SNTB1: variants seen among roughly 807,000 people sequenced by gnomAD.
The protein encoded by SNTB1 is beta-1-syntrophin.
In SNTB1, 36 loss-of-function variants were observed where a neutral mutation model predicts 48.9. The ratio of observed to expected loss-of-function variants is 0.74; its 90% CI spans 0.56 to 0.97. The LOEUF is 0.97. Ranked by LOEUF, SNTB1 falls within the 50% of genes least tolerant of loss-of-function variation. SNTB1 has a pLI of 0.00. For synonymous variants in SNTB1, 299 were observed against 294.6 expected (o/e 1.01, Z -0.15); for missense variants, 786 against 703.4 (o/e 1.12, Z -1.33).
At chr8:120,575,637 G>GA (rs1815938828) in intron 3 of SNTB1, among the ~76,000 whole-genome samples, 1 of 152,180 alleles carries the variant, frequency 6.6e-6, no homozygotes, top group Non-Finnish European at 1.5e-5. Context: ...TAAAGGCTCT[G>GA]AAAAATGTAC....
intron 3 of SNTB1, among the ~76,000 whole-genome samples, chr8:120,603,524 C>T (rs1251557836): frequency 2.6e-5 from 4 of 152,136 alleles, no homozygotes; most frequent in Non-Finnish European, 5.9e-5. Flanking sequence ...TCAGCATTGC[C>T]TGGGAACTTG....
chr8:120,763,592 A>C (rs1819462973), intron 1 of SNTB1, among the ~76,000 whole-genome samples: 1 of 152,214 alleles, frequency 6.6e-6, no homozygotes. Context: ...ACAGTTAAAA[A>C]ATTTTTTCTG....
At chr8:120,781,372 T>C (rs1039104090) in intron 1 of SNTB1, among the ~76,000 whole-genome samples, 3 of 151,030 alleles carry the variant, frequency 2.0e-5, no homozygotes, top group South Asian at 2.1e-4. Context: ...TATTTTGCCA[T>C]TTTTTTTTAA....
At position 120,599,958 on chromosome 8, in the gene SNTB1, G is replaced by A. The variant is rs183821875; in HGVS notation, c.997-24733C>T. Among the ~76,000 whole-genome samples, 368 of 152,254 alleles carry A rather than the reference G, an allele frequency of 2.4e-3. 1 individual carries two copies. Among genetic ancestry groups the A allele is most frequent in the African/African-American group, 8.6e-3 (359 of 41,578 alleles). On this transcript the variant is annotated intron_variant, in intron 3 of 6. Coordinates refer to ENST00000517992, the MANE Select transcript of SNTB1 (RefSeq NM_021021.4). ...GCTATACTTATTACATTTAAAAATAGCAATTTATTTGTTGTTAAAAACCAG... is the reference window on the plus strand; with the variant it reads ...GCTATACTTATTACATTTAAAAATAACAATTTATTTGTTGTTAAAAACCAG...
chr8:120,546,432 T>C (rs1377450098), intron 5 of SNTB1, among the ~76,000 whole-genome samples: 1 of 152,174 alleles, frequency 6.6e-6, no homozygotes, highest in African/African-American at 2.4e-5. Flanking sequence ...GTTTACCTAG[T>C]AATGTTACCT....
chr8:120,683,907 A>G (rs1283954775), intron 2 of SNTB1, among the ~76,000 whole-genome samples: 1 of 152,250 alleles, frequency 6.6e-6, no homozygotes, highest in Non-Finnish European at 1.5e-5. Flanking sequence ...TCATCTAATC[A>G]TAATAATCAA....
At chr8:120,649,672 C>T (rs1474570262) in intron 2 of SNTB1, among the ~76,000 whole-genome samples, 1 of 151,058 alleles carries the variant, frequency 6.6e-6, no homozygotes, top group East Asian at 1.9e-4. Flanking sequence ...AGGCAGGCCT[C>T]CTTGAGCTGT....
intron 2 of SNTB1, among the ~76,000 whole-genome samples, chr8:120,684,357 T>C (rs900229060): frequency 3.3e-5 from 5 of 152,142 alleles, no homozygotes; most frequent in Non-Finnish European, 7.3e-5. Flanking sequence ...ACATGCAAAA[T>C]ACATTCATTC....
intron 1 of SNTB1, chr8:120,761,144 A>G (rs1295719785): frequency 6.6e-6 from 1 of 152,164 alleles, no homozygotes; most frequent in African/African-American, 2.4e-5. Context: ...CATTACCACC[A>G]CCTCCATTTT....
At chr8:120,608,442 G>A (rs1816561819) in intron 3 of SNTB1, among the ~76,000 whole-genome samples, 1 of 152,024 alleles carries the variant, frequency 6.6e-6, no homozygotes, top group African/African-American at 2.4e-5. Flanking sequence ...CAATATGACT[G>A]GAGTCATCAT....
At chr8:120,719,089 T>C (rs1288185084) in intron 1 of SNTB1, among the ~76,000 whole-genome samples, 1 of 152,118 alleles carries the variant, frequency 6.6e-6, no homozygotes, top group African/African-American at 2.4e-5. Flanking sequence ...ATGGCTAATA[T>C]TGAGTGTCAA....
intron 3 of SNTB1, among the ~76,000 whole-genome samples, chr8:120,627,031 T>C (rs554328336): frequency 3.5e-4 from 53 of 152,242 alleles, no homozygotes; most frequent in Non-Finnish European, 4.1e-4. Flanking sequence ...GATTTGTCAC[T>C]GGGAGACAGG....
At chr8:120,579,211 AAC>A (rs955996188) in intron 3 of SNTB1, among the ~76,000 whole-genome samples, 5 of 142,846 alleles carry the variant, frequency 3.5e-5, no homozygotes, top group Non-Finnish European at 7.6e-5. Context: ...CAAACAAACA[AAC>A]AAAGAGCAAA....
intron 1 of SNTB1, among the ~76,000 whole-genome samples, chr8:120,723,380 T>C (rs747445259): frequency 2.7e-4 from 41 of 152,180 alleles, no homozygotes; most frequent in Non-Finnish European, 4.0e-4. Flanking sequence ...AAAGTAAATA[T>C]GCCAATGCTA....
At chr8:120,608,543 G>C (rs1223417320) in intron 3 of SNTB1, among the ~76,000 whole-genome samples, 2 of 152,146 alleles carry the variant, frequency 1.3e-5, no homozygotes, top group African/African-American at 4.8e-5. Context: ...CAGGGGGAGA[G>C]GCCTCTGAAC....
chr8:120,744,957 C>A (rs1034404429), intron 1 of SNTB1, among the ~76,000 whole-genome samples: 4 of 152,166 alleles, frequency 2.6e-5, no homozygotes, highest in Non-Finnish European at 4.4e-5. Flanking sequence ...TCCATGACAA[C>A]TTCTTGCCCC....
chr8:120,760,825 T>C (rs990305584), intron 1 of SNTB1, among the ~76,000 whole-genome samples: 3 of 152,156 alleles, frequency 2.0e-5, no homozygotes, highest in Admixed American at 2.0e-4. Context: ...CCTGTCTCAT[T>C]TACTAAGGGG....
chr8:120,679,859 AT>A (rs33973623), intron 2 of SNTB1, among the ~76,000 whole-genome samples: 88 of 149,694 alleles, frequency 5.9e-4, no homozygotes, highest in African/African-American at 1.1e-3. Flanking sequence ...CTCTTGAGAT[AT>A]TTTTTTTTTT....
intron 3 of SNTB1, among the ~76,000 whole-genome samples, chr8:120,614,964 T>A (rs1296878996): frequency 9.0e-6 from 1 of 111,058 alleles, no homozygotes; most frequent in African/African-American, 3.9e-5. Context: ...CATGGTGAAA[T>A]CTCACCTCTA....
Sources: allele counts gnomAD v4.1 joint callset (sites outside exome capture counted in the v4.1 genomes callset), GRCh38; gene constraint gnomAD v4.1.1; transcripts MANE v1.5; gene names NCBI Gene and HGNC (gene_info 2026-07-23, HGNC 2026-07-21).